SYT16: variants seen among roughly 807,000 people sequenced by gnomAD.
The protein encoded by SYT16 is synaptotagmin-16.
SYT16 carries 42 observed loss-of-function variants against 61.4 expected under a neutral mutation model. The ratio of observed to expected loss-of-function variants is 0.68; its 90% CI spans 0.53 to 0.89. The LOEUF is 0.89. SYT16 is among the 40% of genes least tolerant of loss of function. The pLI, the probability that SYT16 is intolerant of heterozygous loss-of-function variation, is 0.00. For synonymous variants in SYT16, 314 were observed against 302.3 expected, an observed-to-expected ratio of 1.04 and a Z score of -0.40; for missense variants, 804 against 807.3, an observed-to-expected ratio of 1.00 and a Z score of 0.05.
At chr14:61,979,757 C>T (rs974183708) in intron 2 of SYT16, among the ~76,000 whole-genome samples, 1 of 152,112 alleles carries the variant, frequency 6.6e-6, no homozygotes, top group African/African-American at 2.4e-5. Context: ...TGGCGTGCAT[C>T]TGTAGTCCCT....
At chr14:62,004,387 T>A (rs1260665057) in intron 3 of SYT16, among the ~76,000 whole-genome samples, 1 of 152,058 alleles carries the variant, frequency 6.6e-6, no homozygotes, top group African/African-American at 2.4e-5. Flanking sequence ...ACCTCCCACC[T>A]TGTCCCTCCC....
At position 61,927,539 on chromosome 14, in the gene SYT16, T is replaced by C. The variant is rs78782045; in HGVS notation, c.-324-42593T>C. Among the ~76,000 whole-genome samples, 28 of 152,338 alleles carry C rather than the reference T, an allele frequency of 1.8e-4. No homozygotes were observed. The East Asian group carries it at 4.8e-3, about 26-fold the overall frequency. On this transcript the variant is annotated intron_variant, in intron 1 of 7. Transcript: ENST00000683842. ...ATTTGCAGCAAATTTATCAGGATGA[T>C]AATTTTTTTTCCATAAAGACAGAAC...
chr14:62,010,974 G>C (rs2053423639), intron 3 of SYT16, among the ~76,000 whole-genome samples: 1 of 152,136 alleles, frequency 6.6e-6, no homozygotes, highest in African/African-American at 2.4e-5. Flanking sequence ...TTTGGTGTCT[G>C]CTAAATCAGT....
intron 3 of SYT16, among the ~76,000 whole-genome samples, chr14:62,044,995 G>A (rs1215603937): frequency 6.6e-6 from 1 of 152,098 alleles, no homozygotes; most frequent in Non-Finnish European, 1.5e-5. Context: ...AAAATTAGCT[G>A]GGCGTGGTGG....
intron 3 of SYT16, among the ~76,000 whole-genome samples, chr14:62,032,261 A>G (rs980750817): frequency 6.6e-6 from 1 of 152,144 alleles, no homozygotes; most frequent in African/African-American, 2.4e-5. Flanking sequence ...AAAATTCCAT[A>G]GAAATGTAGG....
At chr14:62,083,299 A>C (rs2056771801) in intron 6 of SYT16, among the ~76,000 whole-genome samples, 1 of 152,196 alleles carries the variant, frequency 6.6e-6, no homozygotes, top group East Asian at 1.9e-4. Flanking sequence ...ATTGAGAAGA[A>C]AGGTTTAAGT....
In SYT16 at chr14:62,102,666, TC is replaced by T; in HGVS notation, c.*1960del. 1 of 152,336 alleles carries T rather than the reference TC, an allele frequency of 6.6e-6. No homozygotes were observed. The highest frequency in any genetic ancestry group is 1.9e-4 in the East Asian group (1 of 5,182). The allele number at this position is 152,336 out of a possible 1,614,324, so 9.4% of individuals were successfully genotyped here. ...GTGTTTAAAGGGAAGTAGAACAGCC[TC>T]GCTATGCTTTCCTTTATGCAGTAAC... On this transcript the variant is annotated 3_prime_UTR_variant, in exon 8 of 8. Coordinates refer to ENST00000683842, the MANE Select transcript of SYT16 (RefSeq NM_001367656.1).
At chr14:61,877,240 G>T (rs1052799301) in intron 1 of SYT16, among the ~76,000 whole-genome samples, 2 of 152,100 alleles carry the variant, frequency 1.3e-5, no homozygotes, top group Admixed American at 6.5e-5. Flanking sequence ...TGAATGGCAG[G>T]CATGTGATGG....
Position 61,832,396 on chromosome 14 carries a change from G to A in SYT16, c.-325+19586G>A, listed in dbSNP as rs996119051. ...CTGCCGCAGCTGCCCCACCACCGCC[G>A]CCCTCTATGCCCGGTGTCCCGCGAC... is the stretch of plus-strand genomic sequence containing the variant. On this transcript the variant is annotated intron_variant, in intron 1 of 7. Transcript: ENST00000683842. 23 of 518,936 alleles carry A rather than the reference G, an allele frequency of 4.4e-5. No individual in the cohort carries two copies. In the Admixed American group the frequency reaches 4.7e-4, roughly 11 times the overall value. The allele number at this position is 518,936 out of a possible 1,614,324, so 32.1% of individuals were successfully genotyped here. A position where few individuals can be genotyped will look rare whatever the true frequency, so the allele number is the denominator to read the frequency against.
In SYT16 at chr14:61,919,015, A is replaced by G. The variant is rs370077314; in HGVS notation, c.-324-51117A>G. Among the ~76,000 whole-genome samples the G allele has an allele frequency of 1.7e-4, 26 of 152,360 alleles. No individual in the cohort carries two copies. The East Asian group carries it at 5.0e-3, about 29-fold the overall frequency. ...TTAGAAGAGACAGGTCCTGGGGTGC[A>G]GTCTTAAAAGTTCCTGACTCTTTTT... On this transcript the variant is annotated intron_variant, in intron 1 of 7. Coordinates refer to ENST00000683842, the MANE Select transcript of SYT16 (RefSeq NM_001367656.1).
intron 1 of SYT16, among the ~76,000 whole-genome samples, chr14:61,962,011 C>T (rs1213807919): frequency 6.6e-6 from 1 of 152,088 alleles, no homozygotes; most frequent in Non-Finnish European, 1.5e-5. Flanking sequence ...TAAACTAACA[C>T]AGGGACAGAA....
chr14:61,816,461 C>T (rs1486748688), intron 1 of SYT16, among the ~76,000 whole-genome samples: 1 of 152,164 alleles, frequency 6.6e-6, no homozygotes, highest in Non-Finnish European at 1.5e-5. Context: ...TAAATGATTT[C>T]TAACCCTAGT....
chr14:62,050,928 T>C lies in SYT16; in HGVS notation c.524-18675T>C, dbSNP rs191024380. ...AGGCTACTGGGGGTCAGGGACCCACTTGAGGAGGCAGTCTGTCCGTTCTCA... is the reference window on the plus strand; with the variant it reads ...AGGCTACTGGGGGTCAGGGACCCACCTGAGGAGGCAGTCTGTCCGTTCTCA... On this transcript the variant is annotated intron_variant, in intron 3 of 7. Transcript: ENST00000683842. Among the ~76,000 whole-genome samples, 50 of 152,296 alleles carry C rather than the reference T, an allele frequency of 3.3e-4. 1 individual carries two copies. In the East Asian group the frequency reaches 6.4e-3, roughly 19 times the overall value.
chr14:61,919,007 T>A (rs909622278), intron 1 of SYT16, among the ~76,000 whole-genome samples: 1 of 152,228 alleles, frequency 6.6e-6, no homozygotes, highest in Admixed American at 6.5e-5. Flanking sequence ...AGACAGGTCC[T>A]GGGGTGCAGT....
At chr14:61,911,882 G>T (rs1257828265) in intron 1 of SYT16, among the ~76,000 whole-genome samples, 1 of 152,160 alleles carries the variant, frequency 6.6e-6, no homozygotes, top group African/African-American at 2.4e-5. Flanking sequence ...ACAGAAACGG[G>T]TTTGCATGAG....
intron 1 of SYT16, among the ~76,000 whole-genome samples, chr14:61,959,109 C>G (rs2051007131): frequency 6.6e-6 from 1 of 152,084 alleles, no homozygotes; most frequent in African/African-American, 2.4e-5. Context: ...ATATCTTTAT[C>G]TACCATTTTC....
chr14:61,925,981 C>T (rs939378274), intron 1 of SYT16, among the ~76,000 whole-genome samples: 10 of 152,186 alleles, frequency 6.6e-5, no homozygotes, highest in Non-Finnish European at 2.9e-5. Context: ...GAGACTTCTT[C>T]TGCCTTAAAC....
intron 1 of SYT16, among the ~76,000 whole-genome samples, chr14:61,894,837 T>G (rs183693498): frequency 2.6e-5 from 4 of 152,368 alleles, no homozygotes; most frequent in Admixed American, 2.0e-4. Context: ...AATAAATATT[T>G]ACCACTAAGG....
chr14:62,036,225 A>C (rs2054499967), intron 3 of SYT16, among the ~76,000 whole-genome samples: 3 of 152,136 alleles, frequency 2.0e-5, no homozygotes, highest in African/African-American at 7.2e-5. Context: ...AGAATGAGTT[A>C]AAGTTGGAAA....
Sources: gnomAD v4.1 joint callset for allele counts (sites outside exome capture counted in the v4.1 genomes callset) on GRCh38, gnomAD v4.1.1 for gene constraint, MANE v1.5 for transcripts, NCBI Gene and HGNC (gene_info 2026-07-23, HGNC 2026-07-21) for gene names.